Variants in SUFU observed in about 807,000 individuals in gnomAD.
SUFU encodes suppressor of fused homolog.
In SUFU, 7 loss-of-function variants were observed where a neutral mutation model predicts 58.9. The observed-to-expected ratio is 0.12, with a 90% CI of 0.07 to 0.22. The LOEUF (loss-of-function observed/expected upper bound fraction) is 0.22, where lower values mean the gene tolerates loss of function less well. Ranked by LOEUF, SUFU falls within the 10% of genes least tolerant of loss-of-function variation. The pLI, the probability that SUFU is intolerant of heterozygous loss-of-function variation, is 1.00. For synonymous variants in SUFU, 232 were observed against 254.8 expected (o/e 0.91, Z 0.85); for missense variants, 451 against 641.3 (o/e 0.70, Z 3.20).
intron 3 of SUFU, among the ~76,000 whole-genome samples, chr10:102,570,310 C>T (rs1307900874): frequency 2.6e-5 from 4 of 151,832 alleles, no homozygotes; most frequent in South Asian, 4.2e-4. Context: ...GGTGCAATCT[C>T]GGCTCACTGC....
intron 2 of SUFU, among the ~76,000 whole-genome samples, chr10:102,515,677 A>C (rs907511103): frequency 6.6e-6 from 1 of 152,086 alleles, no homozygotes; most frequent in African/African-American, 2.4e-5. Context: ...ACACATCTGT[A>C]CTGGGAGCTT....
At chr10:102,521,697 A>G (rs2062553932) in intron 2 of SUFU, among the ~76,000 whole-genome samples, 2 of 152,208 alleles carry the variant, frequency 1.3e-5, no homozygotes, top group South Asian at 4.1e-4. Flanking sequence ...AAATGCATAT[A>G]CCATGCTCCT....
chr10:102,592,130 C>T (rs1232655449), intron 3 of SUFU, among the ~76,000 whole-genome samples: 1 of 152,218 alleles, frequency 6.6e-6, no homozygotes, highest in Non-Finnish European at 1.5e-5. Context: ...GCCATTTCAG[C>T]AACATAGGAA....
chr10:102,544,935 C>T (rs180777054), intron 2 of SUFU, among the ~76,000 whole-genome samples: 7 of 152,226 alleles, frequency 4.6e-5, no homozygotes, highest in Admixed American at 2.0e-4. Flanking sequence ...CATGTTATAG[C>T]GTATGCATAC....
intron 2 of SUFU, among the ~76,000 whole-genome samples, chr10:102,520,374 C>A (rs574215554): frequency 6.6e-6 from 1 of 151,766 alleles, no homozygotes; most frequent in African/African-American, 2.4e-5. Context: ...CCCGCCACCA[C>A]GCCCGGCTAA....
intron 1 of SUFU, among the ~76,000 whole-genome samples, chr10:102,505,275 G>C (rs923813850): frequency 1.3e-5 from 2 of 152,186 alleles, no homozygotes; most frequent in Admixed American, 6.5e-5. Flanking sequence ...TCCCATTCCT[G>C]TTTGCAGCCT....
chr10:102,620,339 G>A (rs2063729386), intron 10 of SUFU, among the ~76,000 whole-genome samples: 1 of 152,180 alleles, frequency 6.6e-6, no homozygotes, highest in South Asian at 2.1e-4. Context: ...GAAGGTTTAG[G>A]AACCCGAGCC....
intron 2 of SUFU, among the ~76,000 whole-genome samples, chr10:102,523,916 C>T (rs941840716): frequency 4.6e-5 from 7 of 152,362 alleles, no homozygotes; most frequent in Middle Eastern, 3.4e-3. Context: ...CTGCTCTGCT[C>T]TTCCTATTCT....
chr10:102,509,058 A>C (rs946055855), intron 1 of SUFU, 111 bp from the exon 2 acceptor site: 13 of 1,465,308 alleles, frequency 8.9e-6, no homozygotes, highest in Non-Finnish European at 1.2e-5. Context: ...GTTACCTTTC[A>C]CCCAGGTTCC....
rs2062285363 is a variant in SUFU at position 102,504,029 on chromosome 10, A to G, written c.-124A>G. The G allele has an allele frequency of 7.6e-7, 1 of 1,312,566 alleles. No homozygotes were observed. The allele number at this position is 1,312,566 out of a possible 1,614,324, so 81.3% of individuals were successfully genotyped here. A position where few individuals can be genotyped will look rare whatever the true frequency, so the allele number is the denominator to read the frequency against. On this transcript the variant is annotated 5_prime_UTR_variant, in exon 1 of 12. Transcript: ENST00000369902. ...GTGCGCCGTGCGCAGGCGCGGAGCTAGACCTCGCTGCAGCCCCCATCGCCT... is the reference window on the plus strand; with the variant it reads ...GTGCGCCGTGCGCAGGCGCGGAGCTGGACCTCGCTGCAGCCCCCATCGCCT...
rs113374192 is a variant in SUFU at position 102,578,706 on chromosome 10, C to CAA, written c.455-13862_455-13861dup. ...CTGGCGACAGAGCAAGACTCCGTTT[C>CAA]AAAAAAAAAAAAAAATTAGATGGAC... On this transcript the variant is annotated intron_variant, in intron 3 of 11. Transcript: ENST00000369902. Among the ~76,000 whole-genome samples the CAA allele has an allele frequency of 2.0e-3, 254 of 129,630 alleles. 1 individual carries two copies. Among genetic ancestry groups the CAA allele is most frequent in the African/African-American group, 4.1e-3 (143 of 34,526 alleles). The allele number at this position is 129,630 out of a possible 152,430, so 85.0% of individuals were successfully genotyped here.
chr10:102,615,523 C>CCT, intron 9 of SUFU, 121 bp downstream of exon 9: 1 of 1,457,504 alleles, frequency 6.9e-7, no homozygotes. Flanking sequence ...CTCCAAGGAG[C>CCT]CACCAGGCCC....
chr10:102,504,255 C>T lies in SUFU; in HGVS notation c.103C>T (p.His35Tyr), dbSNP rs2135598180. 1 of 1,613,736 alleles carries T rather than the reference C, an allele frequency of 6.2e-7. No homozygotes were observed. The highest frequency in any genetic ancestry group is 8.5e-7 in the Non-Finnish European group (1 of 1,179,908). Residue 35 changes from histidine to tyrosine, a missense_variant, in exon 1 of 12, where the codon CAC becomes TAC. His to Tyr is a moderately conservative substitution (Grantham distance 83). Coordinates refer to ENST00000369902, the MANE Select transcript of SUFU (RefSeq NM_016169.4). ...CGCTTCGCTCTTTCCCCCGGGACTGCACGCCATCTACGGAGAGTGCCGCCG... is the reference window on the plus strand; with the variant it reads ...CGCTTCGCTCTTTCCCCCGGGACTGTACGCCATCTACGGAGAGTGCCGCCG... Reference protein sequence around the residue: ...AFASLFPPGLHAIYGECRRLY... With the variant: ...AFASLFPPGLYAIYGECRRLY...
At chr10:102,518,975 T>TA (rs1210376976) in intron 2 of SUFU, among the ~76,000 whole-genome samples, 1 of 150,414 alleles carries the variant, frequency 6.6e-6, no homozygotes, top group Admixed American at 6.6e-5. Flanking sequence ...CCGTCTCTAC[T>TA]AAAAAAATAG....
chr10:102,609,940 T>G (rs1362492917), intron 8 of SUFU, among the ~76,000 whole-genome samples: 1 of 152,198 alleles, frequency 6.6e-6, no homozygotes. Flanking sequence ...AAGTAGGCTG[T>G]GAACACTCCA....
At chr10:102,535,977 A>T (rs545274926) in intron 2 of SUFU, among the ~76,000 whole-genome samples, 2,345 of 144,428 alleles carry the variant, frequency 0.016, 23 homozygotes, top group South Asian at 0.055. Flanking sequence ...GATGTTGTTG[A>T]TGATTTTAAG....
intron 3 of SUFU, among the ~76,000 whole-genome samples, chr10:102,576,261 GCAGCTTGC>G (rs2063210978): frequency 6.6e-6 from 1 of 152,120 alleles, no homozygotes; most frequent in East Asian, 1.9e-4. Context: ...GTGCGTCCTT[GCAGCTTGC>G]CAGATTTTTT....
chr10:102,595,316 C>T (rs552693523), intron 6 of SUFU, among the ~76,000 whole-genome samples: 1 of 152,374 alleles, frequency 6.6e-6, no homozygotes, highest in Admixed American at 6.5e-5. Context: ...TGATGCTCCT[C>T]TGTTTTCCTA....
At chr10:102,520,884 G>C (rs1484075826) in intron 2 of SUFU, among the ~76,000 whole-genome samples, 1 of 152,070 alleles carries the variant, frequency 6.6e-6, no homozygotes, top group Non-Finnish European at 1.5e-5. Flanking sequence ...AAAATATCTT[G>C]ATTGCTTCCA....
Sources: gnomAD v4.1 joint callset for allele counts (sites outside exome capture counted in the v4.1 genomes callset) on GRCh38, gnomAD v4.1.1 for gene constraint, MANE v1.5 for transcripts, NCBI Gene and HGNC (gene_info 2026-07-23, HGNC 2026-07-21) for gene names.